The following CLNK variants were observed in gnomAD, a reference collection of about 807,000 sequenced individuals.
The protein encoded by CLNK is cytokine-dependent hematopoietic cell linker.
A neutral mutation model predicts 68.6 loss-of-function variants in CLNK; 74 were observed. The observed-to-expected ratio is 1.08, with a 90% CI of 0.89 to 1.31. The LOEUF (loss-of-function observed/expected upper bound fraction) is 1.31. CLNK is among the 50% of genes most tolerant of loss of function. CLNK has a pLI of 0.00. For synonymous variants in CLNK, 198 were observed against 172.2 expected (o/e 1.15, Z -1.17); for missense variants, 553 against 515.3 (o/e 1.07, Z -0.71).
At chr4:10,590,423 T>G (rs941582949) in intron 3 of CLNK, among the ~76,000 whole-genome samples, 5 of 152,184 alleles carry the variant, frequency 3.3e-5, no homozygotes, top group Non-Finnish European at 7.3e-5. Flanking sequence ...GATTTGGTTC[T>G]GTCTCCAGGG....
intron 18 of CLNK, among the ~76,000 whole-genome samples, chr4:10,493,782 T>G (rs1448602422): frequency 2.0e-5 from 3 of 152,202 alleles, no homozygotes; most frequent in African/African-American, 7.2e-5. Flanking sequence ...GGAGCCTAAA[T>G]GCCTGAGTTC....
intron 2 of CLNK, among the ~76,000 whole-genome samples, chr4:10,608,069 T>G (rs1443198514): frequency 2.0e-5 from 3 of 152,190 alleles, no homozygotes; most frequent in Admixed American, 6.5e-5. Flanking sequence ...GATGTGCATA[T>G]GTAACATGAC....
chr4:10,636,235 G>A (rs530016278), intron 2 of CLNK, among the ~76,000 whole-genome samples: 2 of 152,328 alleles, frequency 1.3e-5, no homozygotes, highest in South Asian at 2.1e-4. Flanking sequence ...TCATCTTGGA[G>A]TAGGGTGGGT....
chr4:10,615,358 A>G (rs1476949612), intron 2 of CLNK, among the ~76,000 whole-genome samples: 2 of 152,142 alleles, frequency 1.3e-5, no homozygotes, highest in Non-Finnish European at 2.9e-5. Flanking sequence ...GCACATGCCT[A>G]TAATCCCAGA....
chr4:10,564,608 G>C, intron 7 of CLNK, 63 bp downstream of exon 7: 1 of 1,197,220 alleles, frequency 8.4e-7, no homozygotes, highest in Non-Finnish European at 1.2e-6. Context: ...AGATGGGGCA[G>C]TTTCTAGCTG....
the CLNK span, among the ~76,000 whole-genome samples, chr4:10,691,618 A>AAT: frequency 5.3e-5 from 8 of 151,808 alleles, no homozygotes; most frequent in Admixed American, 2.0e-4. Flanking sequence ...AAAAAAAAAA[A>AAT]CTGCTTTGGG....
chr4:10,551,535 C>T (rs61795092), intron 8 of CLNK, among the ~76,000 whole-genome samples: 2 of 152,074 alleles, frequency 1.3e-5, no homozygotes, highest in African/African-American at 4.8e-5. Flanking sequence ...TCCAAAAGTG[C>T]TGGGGTTACA....
intron 1 of CLNK, among the ~76,000 whole-genome samples, chr4:10,684,244 A>C (rs957450713): frequency 1.3e-5 from 2 of 152,198 alleles, no homozygotes; most frequent in African/African-American, 2.4e-5. Flanking sequence ...AATGTTAAAA[A>C]TATATTTCCA....
chr4:10,490,787 C>T (rs1396899967), intron 18 of CLNK, among the ~76,000 whole-genome samples, 174 bp from the exon 19 acceptor site: 1 of 151,996 alleles, frequency 6.6e-6, no homozygotes, highest in East Asian at 1.9e-4. Context: ...TTTTCTGAGA[C>T]GTTGTTTTGC....
Position 10,540,520 on chromosome 4 carries a change from G to A in CLNK, c.576C>T (p.Thr192=). The A allele has an allele frequency of 6.2e-7, 1 of 1,613,364 alleles. No individual in the cohort carries two copies. The highest frequency in any genetic ancestry group is 8.5e-7 in the Non-Finnish European group (1 of 1,179,364). The part of the protein sequence containing the change: ...SSRPPLSQRH[T]FPEVQRMPSQ... The stretch of plus-strand genomic sequence containing the variant: ...TGGGCATTCTCTGGACTTCTGGAAA[G>A]GTGTGTCTCTGAGATAAAGGTGGCC... Residue 192 remains threonine (T), a synonymous_variant, in exon 11 of 19, where the codon ACC becomes ACT. Transcript: ENST00000226951.
intron 2 of CLNK, among the ~76,000 whole-genome samples, chr4:10,637,444 T>TA (rs896192362): frequency 7.1e-4 from 107 of 151,134 alleles, no homozygotes; most frequent in African/African-American, 2.2e-3. Flanking sequence ...AAAAGTTTTT[T>TA]TTTTTTTTTT....
intron 2 of CLNK, among the ~76,000 whole-genome samples, chr4:10,655,948 C>T (rs1056003444): frequency 4.0e-5 from 6 of 151,616 alleles, no homozygotes; most frequent in Non-Finnish European, 8.8e-5. Flanking sequence ...TGCGCCCGGC[C>T]GATAGCATTT....
At chr4:10,600,496 C>A (rs1194588618) in intron 2 of CLNK, among the ~76,000 whole-genome samples, 1 of 152,106 alleles carries the variant, frequency 6.6e-6, no homozygotes, top group Non-Finnish European at 1.5e-5. Context: ...AGCAAGTAAA[C>A]AATATAATAT....
chr4:10,521,474 T>G (rs1222754967), intron 14 of CLNK, among the ~76,000 whole-genome samples: 2 of 152,244 alleles, frequency 1.3e-5, no homozygotes, highest in African/African-American at 4.8e-5. Context: ...GTCAGTATCA[T>G]CAACATAAGC....
At chr4:10,516,214 T>C (rs1717829916) in intron 15 of CLNK, among the ~76,000 whole-genome samples, 1 of 152,084 alleles carries the variant, frequency 6.6e-6, no homozygotes, top group African/African-American at 2.4e-5. Flanking sequence ...ATTATGTAAG[T>C]AAAATACTAG....
intron 4 of CLNK, among the ~76,000 whole-genome samples, chr4:10,583,863 AC>A (rs1720877109): frequency 6.6e-6 from 1 of 152,042 alleles, no homozygotes; most frequent in African/African-American, 2.4e-5. Flanking sequence ...GCTGTATTTT[AC>A]CTGTGTGCTT....
At position 10,679,089 on chromosome 4, in the gene CLNK, G is replaced by T. The variant is rs371753892; in HGVS notation, c.-43+5579C>A. 1.9e-3 allele frequency among the ~76,000 whole-genome samples: 293 copies of T among 152,284 alleles called. 1 individual carries two copies. Among genetic ancestry groups the T allele is most frequent in the African/African-American group, 6.2e-3 (259 of 41,572 alleles). On this transcript the variant is annotated intron_variant, in intron 1 of 18. Coordinates refer to ENST00000226951, the MANE Select transcript of CLNK (RefSeq NM_052964.4). ...CCTAAGCCTAAAGAACAAAGCTGGA[G>T]GCATCAGACTACCTGACTTCAAACT...
intron 11 of CLNK, among the ~76,000 whole-genome samples, chr4:10,537,638 T>TTTCC (rs1191182371): frequency 1.7e-5 from 1 of 57,488 alleles, no homozygotes; most frequent in Admixed American, 2.1e-4. Flanking sequence ...TCTTTCTTTC[T>TTTCC]CTTTCTTTCT....
intron 12 of CLNK, 142 bp downstream of exon 12, chr4:10,532,114 A>C: frequency 1.4e-6 from 1 of 727,776 alleles, no homozygotes; most frequent in East Asian, 2.7e-5. Flanking sequence ...TTATCTTTAA[A>C]ATAGAGATAC....
Sources: allele counts gnomAD v4.1 joint callset (sites outside exome capture counted in the v4.1 genomes callset), GRCh38; gene constraint gnomAD v4.1.1; transcripts MANE v1.5; gene names NCBI Gene and HGNC (gene_info 2026-07-23, HGNC 2026-07-21).